Variants in SEPTIN6 observed in about 807,000 individuals in gnomAD.
The protein encoded by SEPTIN6 is septin 6.
SEPTIN6 carries 8 observed loss-of-function variants against 33.6 expected under a neutral mutation model. The ratio of observed to expected loss-of-function variants is 0.24; its 90% CI spans 0.14 to 0.43. The LOEUF is 0.43. Ranked by LOEUF, SEPTIN6 falls within the 20% of genes least tolerant of loss-of-function variation. The pLI is 1.00. For missense variants in SEPTIN6, 250 were observed against 340.8 expected (o/e 0.73, Z 2.10); for synonymous variants, 131 against 140.0 (o/e 0.94, Z 0.45).
At chrX:119,640,593 TG>T in intron 6 of SEPTIN6, 98 bp downstream of exon 6, 1 of 689,084 alleles carries the variant, frequency 1.5e-6, no homozygotes. Context: ...AGCAGAGACT[TG>T]GGACAATTTA....
intron 2 of SEPTIN6, among the ~76,000 whole-genome samples, chrX:119,668,203 G>A (rs937318514): frequency 9.1e-6 from 1 of 110,449 alleles, no homozygotes; most frequent in Non-Finnish European, 1.9e-5. Flanking sequence ...GGCTGAGGGT[G>A]GAGAATCGTT....
chrX:119,625,423 G>A (rs1314101943), intron 9 of SEPTIN6, 44 bp from the exon 10 acceptor site: 1 of 1,134,874 alleles, frequency 8.8e-7, no homozygotes, highest in Non-Finnish European at 1.2e-6. Context: ...GAGCATGAGG[G>A]GAAATCAAAT....
intron 5 of SEPTIN6, among the ~76,000 whole-genome samples, chrX:119,643,529 T>G (rs964258257): frequency 9.1e-6 from 1 of 110,132 alleles, no homozygotes; most frequent in East Asian, 2.8e-4. Flanking sequence ...CTCAAACTGC[T>G]GTCATTTTAT....
At chrX:119,648,717 T>C (rs2054305863) in intron 5 of SEPTIN6, among the ~76,000 whole-genome samples, 1 of 111,414 alleles carries the variant, frequency 9.0e-6, no homozygotes, top group South Asian at 3.7e-4. Flanking sequence ...GGCCAATTCA[T>C]AGGAGGTGGC....
intron 10 of SEPTIN6, 101 bp downstream of exon 10, chrX:119,625,234 C>A: frequency 1.8e-6 from 1 of 557,706 alleles, no homozygotes; most frequent in Non-Finnish European, 3.1e-6. Context: ...ACCAATGAAG[C>A]AGCTTCTTCT....
chrX:119,681,591 AC>A (rs1048390325), intron 1 of SEPTIN6, among the ~76,000 whole-genome samples: 4 of 111,800 alleles, frequency 3.6e-5, no homozygotes, highest in African/African-American at 1.3e-4. Context: ...TAAATGTCCA[AC>A]AATAGGAAAA....
Position 119,619,135 on chromosome X carries a change from A to G in SEPTIN6, c.*958T>C. ...CCAAATGAACTAGAAGACTCATCAGAGCAAACCCCCAAACACTTGATTCTT... is the reference window on the plus strand; with the variant it reads ...CCAAATGAACTAGAAGACTCATCAGGGCAAACCCCCAAACACTTGATTCTT... On this transcript the variant is annotated 3_prime_UTR_variant, in exon 11 of 11. Transcript: ENST00000394610. The G allele has an allele frequency of 1.2e-6, 1 of 865,030 alleles. No homozygotes were observed. The highest frequency in any genetic ancestry group is 1.4e-6 in the Non-Finnish European group (1 of 709,681). 71.3% of individuals were successfully genotyped at this position (865,030 alleles called of 1,213,427 possible).
At chrX:119,628,504 CTTT>C (rs766806075) in intron 9 of SEPTIN6, among the ~76,000 whole-genome samples, 2 of 78,366 alleles carry the variant, frequency 2.6e-5, no homozygotes, top group Non-Finnish European at 2.4e-5. Flanking sequence ...GTCTTGAACT[CTTT>C]TTTTTTTTTT....
rs774531425 is a variant in SEPTIN6 at position 119,629,489 on chromosome X, C to T, written c.1109G>A (p.Arg370His). The change falls in exon 9 of 11, where the codon CGT becomes CAT. Residue 370 changes from arginine (R) to histidine (H), a missense_variant. Physicochemically the swap from Arg to His is conservative, Grantham distance 29 (BLOSUM62 0). Around this residue, in one of 2 missense-constraint regions of SEPTIN6, gnomAD observed 139 missense variants for 227.0 expected, o/e 0.61. Coordinates refer to ENST00000394610, the MANE Select transcript of SEPTIN6 (RefSeq NM_145799.4). ...AEKELHEKFD[R>H]LKKLHQDEKK... ...CTCGTCCTGGTGCAGTTTCTTCAGA[C>T]GGTCAAACTTCTCGTGCAGCTGGCA... 1.4e-5 allele frequency: 17 copies of T among 1,208,742 alleles called. No homozygotes were observed. The highest frequency in any genetic ancestry group is 7.0e-5 in the African/African-American group (4 of 56,943).
At chrX:119,664,557 G>T (rs1008983687) in intron 2 of SEPTIN6, among the ~76,000 whole-genome samples, 1 of 110,282 alleles carries the variant, frequency 9.1e-6, no homozygotes, top group Admixed American at 9.7e-5. Context: ...GCCAGGCGTG[G>T]TGGCTCACAC....
chrX:119,616,540 G>A (rs2053667898), downstream of SEPTIN6: 1 of 547,159 alleles, frequency 1.8e-6, no homozygotes, highest in Non-Finnish European at 3.3e-6. Flanking sequence ...TACCATGTGA[G>A]TCAGGAAGAG....
intron 3 of SEPTIN6, among the ~76,000 whole-genome samples, chrX:119,656,300 T>C (rs1241308091): frequency 2.7e-5 from 3 of 111,975 alleles, no homozygotes. Context: ...ATACATGTGA[T>C]TGAGGGTTCA....
intron 1 of SEPTIN6, among the ~76,000 whole-genome samples, chrX:119,682,187 CACAATCGTAGCT>C (rs2054972135): frequency 1.8e-5 from 2 of 112,005 alleles, no homozygotes; most frequent in South Asian, 7.4e-4. Context: ...CCACCAAACC[CACAATCGTAGCT>C]ACCTCAGGGG....
intron 1 of SEPTIN6, among the ~76,000 whole-genome samples, chrX:119,676,578 T>A (rs1233736825): frequency 8.9e-6 from 1 of 111,786 alleles, no homozygotes; most frequent in African/African-American, 3.3e-5. Context: ...GAGACCAGCC[T>A]GGGCAACACA....
rs1205708221 is a variant in SEPTIN6, at chrX:119,618,164, G to A, written c.*1929C>T. 7.5e-6 allele frequency: 2 copies of A among 265,455 alleles called. No homozygotes were observed. Among genetic ancestry groups the A allele is most frequent in the Non-Finnish European group, 4.7e-6 (1 of 214,415 alleles). The allele number at this position is 265,455 out of a possible 1,213,427, so 21.9% of individuals were successfully genotyped here. On this transcript the variant is annotated 3_prime_UTR_variant, in exon 11 of 11. Transcript: ENST00000394610. ...GAGCTACTGGCTGAGTATCTGAGCA[G>A]ATTTTTTTTTTTTTTTTTTTGGTCG...
At chrX:119,674,639 C>T (rs2054811596) in intron 2 of SEPTIN6, among the ~76,000 whole-genome samples, 1 of 111,478 alleles carries the variant, frequency 9.0e-6, no homozygotes, top group Non-Finnish European at 1.9e-5. Context: ...CATTATGGTG[C>T]CACTTCTTCT....
intron 8 of SEPTIN6, among the ~76,000 whole-genome samples, chrX:119,631,031 A>T (rs1436603722): frequency 1.8e-5 from 2 of 111,417 alleles, no homozygotes; most frequent in Non-Finnish European, 3.8e-5. Context: ...ACTTTCTTTC[A>T]TGGATTCAGG....
intron 3 of SEPTIN6, 138 bp from the exon 4 acceptor site, chrX:119,653,178 G>A: frequency 1.9e-6 from 1 of 515,060 alleles, no homozygotes; most frequent in Non-Finnish European, 3.2e-6. Context: ...CCCTTCAGTG[G>A]GCCTCCAATC....
At chrX:119,673,741 C>T (rs1216878967) in intron 2 of SEPTIN6, among the ~76,000 whole-genome samples, 1 of 103,865 alleles carries the variant, frequency 9.6e-6, no homozygotes, top group Admixed American at 1.1e-4. Context: ...ACTCAGGAGG[C>T]TGAGGCAGGA....
Sources: gnomAD v4.1 joint callset for allele counts (sites outside exome capture counted in the v4.1 genomes callset) on GRCh38, gnomAD v4.1.1 for gene constraint, gnomAD v4.1.1 regional missense constraint, MANE v1.5 for transcripts, NCBI Gene and HGNC (gene_info 2026-07-23, HGNC 2026-07-21) for gene names.